The following FOLH1 variants were observed in gnomAD, a reference collection of about 807,000 sequenced individuals.
The protein encoded by FOLH1 is folate hydrolase 1, also known as glutamate carboxypeptidase 2.
A neutral mutation model predicts 93.9 loss-of-function variants in FOLH1; 54 were observed. The ratio of observed to expected loss-of-function variants is 0.57; its 90% CI spans 0.46 to 0.72. The LOEUF is 0.72. FOLH1 is among the 30% of genes least tolerant of loss of function. FOLH1 has a pLI of 0.00. For synonymous variants in FOLH1, 249 were observed against 303.6 expected (o/e 0.82, Z 1.87); for missense variants, 571 against 892.5 (o/e 0.64, Z 4.59).
chr11:49,198,644 T>A (rs1425273021), intron 3 of FOLH1, among the ~76,000 whole-genome samples: 1 of 152,190 alleles, frequency 6.6e-6, no homozygotes, highest in Admixed American at 6.5e-5. Context: ...TCTGAACATG[T>A]TTTAAAGACC....
chr11:49,208,126 C>T, intron 1 of FOLH1, 166 bp downstream of exon 1: 1 of 621,200 alleles, frequency 1.6e-6, no homozygotes, highest in Non-Finnish European at 2.9e-6. Context: ...TTCCCAGCTA[C>T]CCTCCTCCTA....
intron 2 of FOLH1, among the ~76,000 whole-genome samples, chr11:49,205,465 A>T (rs963536822): frequency 2.6e-5 from 4 of 152,196 alleles, no homozygotes; most frequent in Admixed American, 1.3e-4. Context: ...TGTGGAAAAG[A>T]GAGCTCAGAA....
chr11:49,172,008 T>C (rs577504439), intron 10 of FOLH1, among the ~76,000 whole-genome samples: 1 of 152,286 alleles, frequency 6.6e-6, no homozygotes, highest in East Asian at 1.9e-4. Flanking sequence ...TTAAATGGAA[T>C]AATGTTTAGA....
chr11:49,168,044 CTTT>C (rs11345881), intron 12 of FOLH1, among the ~76,000 whole-genome samples: 43 of 138,322 alleles, frequency 3.1e-4, no homozygotes, highest in African/African-American at 5.7e-4. Flanking sequence ...TCATTTAGTC[CTTT>C]TTTTTTTTTT....
intron 15 of FOLH1, among the ~76,000 whole-genome samples, chr11:49,156,125 C>A (rs1857010059): frequency 6.6e-6 from 1 of 151,934 alleles, no homozygotes; most frequent in African/African-American, 2.4e-5. Flanking sequence ...GCTCCTCACT[C>A]ACCTTCAGCC....
chr11:49,203,952 A>C (rs1272559689), intron 2 of FOLH1, among the ~76,000 whole-genome samples: 1 of 152,176 alleles, frequency 6.6e-6, no homozygotes, highest in Admixed American at 6.5e-5. Flanking sequence ...TAACACCAAA[A>C]TGTTAACTGA....
chr11:49,174,831 G>C, intron 9 of FOLH1, 61 bp downstream of exon 9: 1 of 1,348,102 alleles, frequency 7.4e-7, no homozygotes. Context: ...CCCAGAGCTT[G>C]GTAGTATCCA....
chr11:49,184,819 T>C (rs2135191635), intron 6 of FOLH1, among the ~76,000 whole-genome samples: 1 of 152,352 alleles, frequency 6.6e-6, no homozygotes, highest in East Asian at 1.9e-4. Flanking sequence ...ATTAAATAGT[T>C]GAGCACATTC....
chr11:49,147,377 T>C (rs1290166437), intron 18 of FOLH1, among the ~76,000 whole-genome samples: 1 of 152,160 alleles, frequency 6.6e-6, no homozygotes, highest in Non-Finnish European at 1.5e-5. Context: ...TATATCATGC[T>C]ACCCCCTATA....
At chr11:49,148,826 C>T (rs779180627) in intron 17 of FOLH1, 95 bp from the exon 18 acceptor site, 216 of 1,106,496 alleles carry the variant, frequency 2.0e-4, no homozygotes, top group Non-Finnish European at 2.3e-4. Context: ...TAGTTATCTC[C>T]GGGGATTGGT....
At chr11:49,207,737 G>T (rs1864132824) in intron 1 of FOLH1, 3 of 367,192 alleles carry the variant, frequency 8.2e-6, no homozygotes, top group African/African-American at 2.1e-5. Flanking sequence ...GTCAAAACTG[G>T]AATTTAATAA....
At chr11:49,204,104 G>T (rs754617966) in intron 2 of FOLH1, among the ~76,000 whole-genome samples, 1 of 152,256 alleles carries the variant, frequency 6.6e-6, no homozygotes, top group South Asian at 2.1e-4. Flanking sequence ...AACACATTGC[G>T]GGTGCTCTTT....
intron 7 of FOLH1, among the ~76,000 whole-genome samples, chr11:49,180,535 C>T (rs1397231510): frequency 1.3e-5 from 2 of 152,178 alleles, no homozygotes; most frequent in Non-Finnish European, 1.5e-5. Context: ...CTCATTTACT[C>T]ACACATTTAT....
At chr11:49,149,096 C>T (rs1856139075) in intron 17 of FOLH1, among the ~76,000 whole-genome samples, 2 of 151,924 alleles carry the variant, frequency 1.3e-5, no homozygotes, top group South Asian at 4.2e-4. Flanking sequence ...GAACATCACA[C>T]ACCAGGGCCT....
chr11:49,192,841 C>A lies in FOLH1; in HGVS notation c.465G>T (p.Ser155=), dbSNP rs377754089. 34 of 1,604,562 alleles carry A rather than the reference C, an allele frequency of 2.1e-5. No individual in the cohort carries two copies. The highest frequency in any genetic ancestry group is 3.3e-4 in the Middle Eastern group (2 of 6,030). ...AAGCACTGAAAGGTGGTACAATATCCGAAACATTTTCATATCCTGGAGGAG... is the reference window on the plus strand; with the variant it reads ...AAGCACTGAAAGGTGGTACAATATCAGAAACATTTTCATATCCTGGAGGAG... ...EPPPPGYENV[S]DIVPPFSAFS... The change falls in exon 4 of 19, where the codon TCG becomes TCT. Residue 155 remains serine (S), a synonymous_variant. Transcript: ENST00000256999.
intron 13 of FOLH1, among the ~76,000 whole-genome samples, chr11:49,158,299 C>G (rs1264834531): frequency 6.6e-6 from 1 of 151,978 alleles, no homozygotes; most frequent in Non-Finnish European, 1.5e-5. Flanking sequence ...AAATTCATAC[C>G]AAGCCATTGT....
intron 7 of FOLH1, among the ~76,000 whole-genome samples, chr11:49,182,585 G>A (rs550258277): frequency 6.6e-6 from 1 of 152,354 alleles, no homozygotes; most frequent in Non-Finnish European, 1.5e-5. Context: ...AGATTTACTA[G>A]GGAAAAGCAT....
At position 49,208,533 on chromosome 11, in the gene FOLH1, CT is replaced by C; in HGVS notation, c.-125del. ...CTCACTAATGCCTCGCTTATCAGCCCTGCAGGCTGGAATTCGCTCCAGACCT... is the reference window on the plus strand; with the variant it reads ...CTCACTAATGCCTCGCTTATCAGCCCGCAGGCTGGAATTCGCTCCAGACCT... On this transcript the variant is annotated 5_prime_UTR_variant, in exon 1 of 19. Transcript: ENST00000256999. 1 of 641,926 alleles carries C rather than the reference CT, an allele frequency of 1.6e-6. No homozygotes were observed. 39.8% of individuals were successfully genotyped at this position (641,926 alleles called of 1,614,324 possible).
chr11:49,190,985 T>C (rs1861961376), intron 4 of FOLH1, among the ~76,000 whole-genome samples: 3 of 152,218 alleles, frequency 2.0e-5, no homozygotes, highest in Admixed American at 2.0e-4. Flanking sequence ...TGAAGAACCC[T>C]GAAATGTATT....
Sources: allele counts gnomAD v4.1 joint callset (sites outside exome capture counted in the v4.1 genomes callset), GRCh38; gene constraint gnomAD v4.1.1; transcripts MANE v1.5; gene names NCBI Gene and HGNC (gene_info 2026-07-23, HGNC 2026-07-21).